The following ZNF91 variants were observed in gnomAD, a reference collection of about 807,000 sequenced individuals.
The protein encoded by ZNF91 is zinc finger protein 91, also known as zinc finger protein 91 (HPF7, HTF10).
Under a neutral mutation model 12.6 loss-of-function variants are expected in ZNF91, and 7 were observed. That is an observed-to-expected ratio of 0.55 (90% CI 0.31 to 1.04). ZNF91 has a LOEUF of 1.04. Ranked by LOEUF, ZNF91 falls within the 50% of genes least tolerant of loss-of-function variation. ZNF91 has a pLI of 0.05. For missense variants in ZNF91, 1,217 were observed against 1,385.4 expected (o/e 0.88, Z 1.93); for synonymous variants, 453 against 462.6 (o/e 0.98, Z 0.27).
chr19:23,384,648 AC>A, intron 1 of ZNF91: 1 of 663,890 alleles, frequency 1.5e-6, no homozygotes, highest in Non-Finnish European at 2.4e-6. Context: ...CTTTTGCCAT[AC>A]CATCCAAATC....
intron 3 of ZNF91, among the ~76,000 whole-genome samples, chr19:23,369,359 C>T (rs1299279264): frequency 4.6e-5 from 7 of 150,988 alleles, no homozygotes; most frequent in Non-Finnish European, 1.5e-5. Flanking sequence ...AGCCCCCACC[C>T]GGCCAGCCGC....
chr19:23,323,459 TTC>T (rs755807551), intron 1 of ZNF91, among the ~76,000 whole-genome samples: 11 of 150,186 alleles, frequency 7.3e-5, no homozygotes, highest in Non-Finnish European at 7.4e-5. Flanking sequence ...TCTCCTCTAC[TTC>T]TCTGTCCTCT....
At chr19:23,353,442 T>A (rs1170314887), downstream of ZNF91, among the ~76,000 whole-genome samples, 1 of 152,128 alleles carries the variant, frequency 6.6e-6, no homozygotes, top group Non-Finnish European at 1.5e-5. Context: ...TCAAAACCTC[T>A]GGGATACAGC....
chr19:23,311,983 A>ATATC (rs1967479516), upstream of ZNF91, among the ~76,000 whole-genome samples: 2 of 152,060 alleles, frequency 1.3e-5, no homozygotes, highest in Admixed American at 1.3e-4. Flanking sequence ...GTCTAGCCAC[A>ATATC]GAAGACTTTG....
intron 1 of ZNF91, chr19:23,326,622 T>C (rs1465262680): frequency 1.3e-5 from 2 of 152,182 alleles, no homozygotes; most frequent in African/African-American, 4.8e-5. Context: ...ACACCATGCC[T>C]GGACTTGCAT....
intron 3 of ZNF91, among the ~76,000 whole-genome samples, chr19:23,349,644 A>G (rs375548641): frequency 1.3e-5 from 2 of 152,132 alleles, no homozygotes; most frequent in African/African-American, 4.8e-5. Context: ...GAGCCTCACA[A>G]AAACCTACAA....
At chr19:23,346,026 T>C (rs1968222689) in intron 3 of ZNF91, among the ~76,000 whole-genome samples, 1 of 152,136 alleles carries the variant, frequency 6.6e-6, no homozygotes, top group Non-Finnish European at 1.5e-5. Flanking sequence ...CTTTAGCCCA[T>C]GCCCCACTCT....
At chr19:23,374,866 C>CA (rs1969446479) in intron 1 of ZNF91, 102 bp from the exon 2 acceptor site, 1 of 1,531,922 alleles carries the variant, frequency 6.5e-7, no homozygotes, top group South Asian at 1.2e-5. Context: ...CTGGTTCTGA[C>CA]TTATAAGAGT....
chr19:23,374,760 A>G lies in ZNF91; in HGVS notation c.35T>C (p.Leu12Pro). ...PGTPGSLEMGLLTFRDVAIEF... is the reference protein window; with the variant it reads ...PGTPGSLEMGPLTFRDVAIEF... Reference sequence around the variant, plus strand: ...TATGGCCACATCCCTAAATGTCAACAGTCCCTGAAAAACACACACAAACAC... The same window carrying G: ...TATGGCCACATCCCTAAATGTCAACGGTCCCTGAAAAACACACACAAACAC... Residue 12 changes from leucine to proline, a missense_variant, in exon 2 of 4, where the codon CTG becomes CCG. By Grantham distance (98) the Leu-to-Pro change is moderately conservative (BLOSUM62 -3). Transcript: ENST00000300619. 2.5e-6 allele frequency: 4 copies of G among 1,610,576 alleles called. No homozygotes were observed. Among genetic ancestry groups the G allele is most frequent in the Non-Finnish European group, 3.4e-6 (4 of 1,178,078 alleles).
intron 3 of ZNF91, among the ~76,000 whole-genome samples, chr19:23,343,272 A>T (rs1490010907): frequency 1.3e-5 from 2 of 152,186 alleles, no homozygotes; most frequent in Non-Finnish European, 2.9e-5. Flanking sequence ...AGATTTTGTT[A>T]AAATATGGAT....
At chr19:23,379,619 A>C (rs537863497) in intron 1 of ZNF91, among the ~76,000 whole-genome samples, 2 of 152,166 alleles carry the variant, frequency 1.3e-5, no homozygotes, top group Admixed American at 6.5e-5. Context: ...CATGTATGCT[A>C]ATTGGTTATA....
chr19:23,371,962 T>C (rs929127553), intron 3 of ZNF91, among the ~76,000 whole-genome samples: 3 of 152,200 alleles, frequency 2.0e-5, no homozygotes, highest in Non-Finnish European at 4.4e-5. Context: ...AAATTATGTA[T>C]ATATTTAGCA....
chr19:23,387,599 T>A (rs762385809), intron 1 of ZNF91, among the ~76,000 whole-genome samples: 12 of 152,036 alleles, frequency 7.9e-5, no homozygotes, highest in Non-Finnish European at 1.5e-4. Flanking sequence ...TAGTTAGGCA[T>A]GGTGGCACAC....
At chr19:23,356,568 A>T (rs2145039366), downstream of ZNF91, among the ~76,000 whole-genome samples, 1 of 152,198 alleles carries the variant, frequency 6.6e-6, no homozygotes, top group East Asian at 1.9e-4. Flanking sequence ...AATACAATGG[A>T]CTTTGGGTAC....
intron 3 of ZNF91, among the ~76,000 whole-genome samples, chr19:23,343,781 G>A (rs1324056475): frequency 6.6e-6 from 1 of 152,126 alleles, no homozygotes; most frequent in Non-Finnish European, 1.5e-5. Context: ...ACAATTCCTC[G>A]AGTGTTTTTC....
downstream of ZNF91, among the ~76,000 whole-genome samples, chr19:23,353,458 T>C (rs1401102349): frequency 2.6e-5 from 4 of 151,838 alleles, no homozygotes; most frequent in Non-Finnish European, 5.9e-5. Context: ...ACAGCTAAGG[T>C]GATGAAGAGG....
At chr19:23,336,664 T>G (rs985811631), downstream of ZNF91, among the ~76,000 whole-genome samples, 9 of 152,250 alleles carry the variant, frequency 5.9e-5, no homozygotes, top group African/African-American at 2.2e-4. Flanking sequence ...TCTTACAGGC[T>G]GCTCTTTGTT....
At chr19:23,383,691 G>GA (rs74175750) in intron 1 of ZNF91, among the ~76,000 whole-genome samples, 328 of 138,690 alleles carry the variant, frequency 2.4e-3, no homozygotes, top group Non-Finnish European at 3.3e-3. Context: ...ACCTCAAAAA[G>GA]AAAAAAAAAA....
intron 1 of ZNF91, among the ~76,000 whole-genome samples, chr19:23,378,184 T>C (rs1969574338): frequency 6.6e-6 from 1 of 152,200 alleles, no homozygotes; most frequent in Non-Finnish European, 1.5e-5. Context: ...GACCCTATAA[T>C]ACATGTTATT....
Sources: allele counts gnomAD v4.1 joint callset (sites outside exome capture counted in the v4.1 genomes callset), GRCh38; gene constraint gnomAD v4.1.1; transcripts MANE v1.5; gene names NCBI Gene and HGNC (gene_info 2026-07-23, HGNC 2026-07-21).